ULK4: variants seen among roughly 807,000 people sequenced by gnomAD.
ULK4 encodes inactive serine/threonine-protein kinase ULK4.
ULK4 carries 133 observed loss-of-function variants against 160.6 expected under a neutral mutation model. That is an observed-to-expected ratio of 0.83 (90% confidence interval 0.72 to 0.96). The LOEUF is 0.96. ULK4 is among the 40% of genes least tolerant of loss of function. The pLI is 0.00. For synonymous variants in ULK4, 534 were observed against 539.8 expected, an observed-to-expected ratio of 0.99 and a Z score of 0.15; for missense variants, 1,580 against 1,499.5, an observed-to-expected ratio of 1.05 and a Z score of -0.89.
chr3:41,281,064 G>A (rs1014205412), intron 35 of ULK4, among the ~76,000 whole-genome samples: 1 of 152,090 alleles, frequency 6.6e-6, no homozygotes, highest in Non-Finnish European at 1.5e-5. Context: ...TGAAGAAATG[G>A]ATAAATTCCT....
chr3:41,484,504 G>C (rs556061005), intron 32 of ULK4, among the ~76,000 whole-genome samples: 20 of 141,538 alleles, frequency 1.4e-4, no homozygotes, highest in South Asian at 1.4e-3. Context: ...CCAGGCTGGA[G>C]TGCAGTGGTG....
At chr3:41,758,148 T>C (rs1575658730) in intron 21 of ULK4, among the ~76,000 whole-genome samples, 1 of 152,192 alleles carries the variant, frequency 6.6e-6, no homozygotes, top group South Asian at 2.1e-4. Flanking sequence ...GACGAAACTA[T>C]GTATGACAAA....
chr3:41,695,507 A>G (rs1484667074), intron 27 of ULK4, among the ~76,000 whole-genome samples: 1 of 152,232 alleles, frequency 6.6e-6, no homozygotes, highest in Non-Finnish European at 1.5e-5. Context: ...CATTCAAAAA[A>G]GAATAGAGTA....
intron 31 of ULK4, 48 bp from the exon 32 acceptor site, chr3:41,566,178 C>T (rs2125603350): frequency 2.7e-6 from 4 of 1,500,630 alleles, no homozygotes; most frequent in South Asian, 1.2e-5. Flanking sequence ...AATACAATTA[C>T]ATCATCGTAA....
chr3:41,700,328 C>T (rs947587902), intron 27 of ULK4, among the ~76,000 whole-genome samples: 7 of 152,126 alleles, frequency 4.6e-5, no homozygotes, highest in African/African-American at 7.2e-5. Context: ...CCTGCACTCC[C>T]ATCCTCCTAG....
chr3:41,674,483 T>C (rs1041548936), intron 29 of ULK4, among the ~76,000 whole-genome samples: 4 of 152,204 alleles, frequency 2.6e-5, no homozygotes, highest in African/African-American at 9.6e-5. Context: ...GTGGTATCTT[T>C]CCTCCCAGAA....
intron 27 of ULK4, among the ~76,000 whole-genome samples, chr3:41,688,425 AAAG>A (rs2036170895): frequency 1.3e-5 from 2 of 152,346 alleles, no homozygotes; most frequent in East Asian, 3.9e-4. Flanking sequence ...ATGGTTTATC[AAAG>A]GTACTTACTA....
intron 32 of ULK4, among the ~76,000 whole-genome samples, chr3:41,488,555 T>C (rs1172858090): frequency 6.6e-6 from 1 of 152,238 alleles, no homozygotes; most frequent in East Asian, 1.9e-4. Context: ...GATACAGATA[T>C]TTAACATCTT....
intron 30 of ULK4, among the ~76,000 whole-genome samples, chr3:41,662,920 T>TA (rs1270615083): frequency 1.4e-4 from 20 of 143,536 alleles, no homozygotes; most frequent in Middle Eastern, 3.5e-3. Context: ...AAATAAAAAA[T>TA]AAAAAAAAAA....
At chr3:41,330,995 T>A (rs1009188760) in intron 35 of ULK4, among the ~76,000 whole-genome samples, 7 of 152,132 alleles carry the variant, frequency 4.6e-5, no homozygotes, top group Non-Finnish European at 1.0e-4. Flanking sequence ...ATTTAACACA[T>A]ACACACCTCC....
chr3:41,896,715 T>A lies in ULK4; in HGVS notation c.1530+107A>T, dbSNP rs896235688. 6 of 1,279,604 alleles carry A rather than the reference T, an allele frequency of 4.7e-6. No homozygotes were observed. The African/African-American group carries it at 7.4e-5, about 16-fold the overall frequency. The allele number at this position is 1,279,604 out of a possible 1,614,324, so 79.3% of individuals were successfully genotyped here. A position where few individuals can be genotyped will look rare whatever the true frequency, so the allele number is the denominator to read the frequency against. ...AATTTTCATAAACCTAAAATCGTGA[T>A]AAATCAGTTTTTTTGTGGTAGTTAA... On this transcript the variant is annotated intron_variant, in intron 15 of 36. Coordinates refer to ENST00000301831, the MANE Select transcript of ULK4 (RefSeq NM_017886.4).
chr3:41,827,487 A>T (rs1274016523), intron 18 of ULK4, among the ~76,000 whole-genome samples: 1 of 152,174 alleles, frequency 6.6e-6, no homozygotes, highest in Admixed American at 6.5e-5. Flanking sequence ...ATCCCACAGA[A>T]ATACAAACTA....
intron 18 of ULK4, among the ~76,000 whole-genome samples, chr3:41,832,587 T>C (rs2068792781): frequency 1.3e-5 from 2 of 152,240 alleles, no homozygotes; most frequent in South Asian, 4.1e-4. Flanking sequence ...CCATTGCTTT[T>C]GGTGTTTTTG....
intron 30 of ULK4, among the ~76,000 whole-genome samples, chr3:41,658,382 A>C (rs572012916): frequency 2.6e-5 from 4 of 152,334 alleles, no homozygotes; most frequent in African/African-American, 9.6e-5. Context: ...AAAGCTCCCC[A>C]AGTGATACTA....
intron 17 of ULK4, among the ~76,000 whole-genome samples, chr3:41,837,842 C>T (rs987274819): frequency 5.3e-5 from 8 of 151,974 alleles, no homozygotes; most frequent in African/African-American, 1.7e-4. Flanking sequence ...ATTACAGGTA[C>T]GAGCCACTGT....
At chr3:41,609,979 GA>G (rs1200706921) in intron 31 of ULK4, among the ~76,000 whole-genome samples, 55 of 104,672 alleles carry the variant, frequency 5.3e-4, no homozygotes, top group African/African-American at 9.5e-4. Context: ...ATCTCAAAAA[GA>G]AAAAAAAAAA....
At chr3:41,251,314 A>C (rs2078739168) in intron 35 of ULK4, among the ~76,000 whole-genome samples, 1 of 152,262 alleles carries the variant, frequency 6.6e-6, no homozygotes, top group Non-Finnish European at 1.5e-5. Flanking sequence ...GGATGAGTTA[A>C]TTCAAAAATA....
At chr3:41,598,257 C>T (rs898496704) in intron 31 of ULK4, among the ~76,000 whole-genome samples, 2 of 151,868 alleles carry the variant, frequency 1.3e-5, no homozygotes, top group Non-Finnish European at 2.9e-5. Context: ...AACACCTTTA[C>T]AGCACTGCTT....
At chr3:41,698,599 T>G (rs926936994) in intron 27 of ULK4, among the ~76,000 whole-genome samples, 1 of 152,202 alleles carries the variant, frequency 6.6e-6, no homozygotes, top group Non-Finnish European at 1.5e-5. Flanking sequence ...CCCAAGTGTT[T>G]CAGATAAGGG....
Sources: allele counts gnomAD v4.1 joint callset (sites outside exome capture counted in the v4.1 genomes callset), GRCh38; gene constraint gnomAD v4.1.1; transcripts MANE v1.5; gene names NCBI Gene and HGNC (gene_info 2026-07-23, HGNC 2026-07-21).